ELMO1: variants seen among roughly 807,000 people sequenced by gnomAD.
ELMO1 encodes engulfment and cell motility protein 1.
ELMO1 carries 26 observed loss-of-function variants against 98.9 expected under a neutral mutation model. The ratio of observed to expected loss-of-function variants is 0.26; its 90% CI spans 0.19 to 0.36. The LOEUF (loss-of-function observed/expected upper bound fraction) is 0.36. Ranked by LOEUF, ELMO1 falls within the 10% of genes least tolerant of loss-of-function variation. The pLI, the probability that ELMO1 is intolerant of heterozygous loss-of-function variation, is 1.00. For synonymous variants in ELMO1, 346 were observed against 346.0 expected (o/e 1.00, Z 0.00); for missense variants, 627 against 935.2 (o/e 0.67, Z 4.30).
At chr7:37,409,915 A>G (rs536250606) in intron 1 of ELMO1, among the ~76,000 whole-genome samples, 1 of 152,220 alleles carries the variant, frequency 6.6e-6, no homozygotes, top group Non-Finnish European at 1.5e-5. Context: ...CATTTTGGAC[A>G]ATACAATCTA....
chr7:37,159,571 G>A (rs925121480), intron 13 of ELMO1, among the ~76,000 whole-genome samples: 1 of 152,128 alleles, frequency 6.6e-6, no homozygotes, highest in African/African-American at 2.4e-5. Context: ...GTGGTGGTGT[G>A]CACCTATAGT....
chr7:37,230,528 C>A (rs1794114414), intron 8 of ELMO1, among the ~76,000 whole-genome samples: 1 of 152,184 alleles, frequency 6.6e-6, no homozygotes, highest in South Asian at 2.1e-4. Flanking sequence ...GCCACTGCAT[C>A]CCTGCCTCCT....
At chr7:37,404,875 C>CA (rs1343723938) in intron 1 of ELMO1, among the ~76,000 whole-genome samples, 2 of 152,182 alleles carry the variant, frequency 1.3e-5, no homozygotes, top group Non-Finnish European at 2.9e-5. Context: ...AAAAAACATT[C>CA]AGCTATTGCT....
chr7:37,353,046 T>C (rs1483804636), intron 1 of ELMO1: 1 of 152,206 alleles, frequency 6.6e-6, no homozygotes, highest in Non-Finnish European at 1.5e-5. Flanking sequence ...AGACTGCCAA[T>C]GGTCCATTTG....
chr7:37,143,705 C>T (rs1215203933), intron 13 of ELMO1, among the ~76,000 whole-genome samples: 5 of 119,578 alleles, frequency 4.2e-5, no homozygotes, highest in African/African-American at 1.5e-4. Context: ...CCACTGCAGC[C>T]GGTCGATTTT....
chr7:37,080,725 G>A (rs936325407), intron 15 of ELMO1, among the ~76,000 whole-genome samples: 6 of 146,858 alleles, frequency 4.1e-5, no homozygotes, highest in African/African-American at 1.5e-4. Context: ...TGCTGGAATT[G>A]CAGGTGTGAG....
chr7:36,895,257 AG>A (rs1447465274), intron 16 of ELMO1, among the ~76,000 whole-genome samples: 1 of 152,110 alleles, frequency 6.6e-6, no homozygotes, highest in Non-Finnish European at 1.5e-5. Context: ...GGGGTGGGGA[AG>A]CTCAGGGTGG....
At chr7:37,448,521 G>A (rs1035323754) in intron 1 of ELMO1, among the ~76,000 whole-genome samples, 154 bp downstream of exon 1, 8 of 151,194 alleles carry the variant, frequency 5.3e-5, no homozygotes, top group African/African-American at 1.9e-4. Context: ...CGCCCGAGCC[G>A]CGGCGCCCCC....
intron 1 of ELMO1, among the ~76,000 whole-genome samples, chr7:37,371,345 T>C (rs570270008): frequency 6.6e-6 from 1 of 152,338 alleles, no homozygotes; most frequent in African/African-American, 2.4e-5. Context: ...GGCTGCATGA[T>C]GGGTACATGG....
intron 4 of ELMO1, among the ~76,000 whole-genome samples, chr7:37,290,133 G>A (rs1797599642): frequency 6.6e-6 from 1 of 152,222 alleles, no homozygotes. Flanking sequence ...TCTCTGCCAT[G>A]AATGTGGCTA....
chr7:36,974,024 C>A (rs191655535), intron 16 of ELMO1, among the ~76,000 whole-genome samples: 318 of 152,248 alleles, frequency 2.1e-3, no homozygotes, highest in African/African-American at 6.7e-3. Context: ...GCCTCCCCCC[C>A]ACTCCGTGGG....
At chr7:37,019,065 G>T (rs1194685911) in intron 15 of ELMO1, among the ~76,000 whole-genome samples, 12 of 152,176 alleles carry the variant, frequency 7.9e-5, no homozygotes, top group Non-Finnish European at 1.5e-5. Flanking sequence ...ACTGTGTAGG[G>T]TAATATTCTA....
At chr7:37,399,746 G>A (rs139216932) in intron 1 of ELMO1, among the ~76,000 whole-genome samples, 280 of 152,290 alleles carry the variant, frequency 1.8e-3, no homozygotes, top group Non-Finnish European at 3.2e-3. Context: ...ATCTTTAGGG[G>A]AGATTACATG....
At chr7:37,189,829 C>T (rs1368526761) in intron 13 of ELMO1, among the ~76,000 whole-genome samples, 4 of 152,158 alleles carry the variant, frequency 2.6e-5, no homozygotes, top group Admixed American at 2.0e-4. Context: ...AAGCCTATGT[C>T]AGTCCCAAGC....
chr7:37,352,259 C>T (rs1276929812), intron 1 of ELMO1, among the ~76,000 whole-genome samples: 2 of 152,160 alleles, frequency 1.3e-5, no homozygotes, highest in African/African-American at 4.8e-5. Flanking sequence ...AGCTCATGTT[C>T]GTAACCACTA....
Position 37,224,911 on chromosome 7 carries a change from G to C in ELMO1, c.669C>G (p.Ile223Met). Reference protein sequence around the residue: ...HDLYQKVAQEITIGQLIPHLQ... With the variant: ...HDLYQKVAQEMTIGQLIPHLQ... ...GGTGTGGAATGAGCTGGCCGATGGT[G>C]ATCTCCTGCGCCACTTTCTGGTAGA... Residue 223 changes from isoleucine (I) to methionine (M), a missense_variant, in exon 9 of 22, where the codon ATC (isoleucine) becomes ATG (methionine). This residue lies in a region of ELMO1 where 492 missense variants were observed against 715.6 expected (regional missense o/e 0.69). Coordinates refer to ENST00000310758, the MANE Select transcript of ELMO1 (RefSeq NM_014800.11). 6.2e-7 allele frequency: 1 copy of C among 1,614,070 alleles called. No homozygotes were observed. The highest frequency in any genetic ancestry group is 8.5e-7 in the Non-Finnish European group (1 of 1,179,952).
At chr7:37,280,715 G>A (rs933694393) in intron 4 of ELMO1, among the ~76,000 whole-genome samples, 6 of 152,018 alleles carry the variant, frequency 3.9e-5, no homozygotes, top group African/African-American at 1.4e-4. Flanking sequence ...ATATTGGCAT[G>A]GATGTGGTAA....
intron 15 of ELMO1, among the ~76,000 whole-genome samples, chr7:37,086,285 A>T (rs1381452255): frequency 6.6e-6 from 1 of 152,020 alleles, no homozygotes; most frequent in Non-Finnish European, 1.5e-5. Flanking sequence ...TATTTTTTAA[A>T]ACAATTTTTT....
chr7:37,221,718 T>C (rs953043312), intron 10 of ELMO1, among the ~76,000 whole-genome samples: 4 of 152,082 alleles, frequency 2.6e-5, no homozygotes, highest in Admixed American at 6.5e-5. Context: ...TTTTTTAAGA[T>C]AGTCTTGCTC....
Sources: gnomAD v4.1 joint callset for allele counts (sites outside exome capture counted in the v4.1 genomes callset) on GRCh38, gnomAD v4.1.1 for gene constraint, gnomAD v4.1.1 regional missense constraint, MANE v1.5 for transcripts, NCBI Gene and HGNC (gene_info 2026-07-23, HGNC 2026-07-21) for gene names.